Variants in APLF observed in about 807,000 individuals in gnomAD.
The protein encoded by APLF is aprataxin and PNK-like factor.
A neutral mutation model predicts 55.6 loss-of-function variants in APLF; 61 were observed. That is an observed-to-expected ratio of 1.10 (90% CI 0.89 to 1.36). The LOEUF is 1.36. APLF is among the 40% of genes most tolerant of loss of function. The pLI, the probability that APLF is intolerant of heterozygous loss-of-function variation, is 0.00. For missense variants in APLF, 611 were observed against 602.5 expected (o/e 1.01, Z -0.15); for synonymous variants, 207 against 214.8 (o/e 0.96, Z 0.32).
intron 7 of APLF, among the ~76,000 whole-genome samples, chr2:68,539,907 C>CA (rs1248366625): frequency 2.0e-5 from 3 of 149,248 alleles, no homozygotes; most frequent in Non-Finnish European, 3.0e-5. Context: ...TACACTAAGG[C>CA]AAAAAAAAGA....
chr2:68,507,057 G>T (rs372444426), intron 3 of APLF, among the ~76,000 whole-genome samples: 1 of 151,818 alleles, frequency 6.6e-6, no homozygotes, highest in Admixed American at 6.6e-5. Flanking sequence ...ATTGAGGCTG[G>T]GCATGGAGAG....
chr2:68,521,748 T>A (rs931463230), intron 5 of APLF, among the ~76,000 whole-genome samples: 1 of 151,972 alleles, frequency 6.6e-6, no homozygotes, highest in African/African-American at 2.4e-5. Flanking sequence ...AACGTGAAGT[T>A]GTAAAAAGTG....
intron 4 of APLF, 31 bp downstream of exon 4, chr2:68,513,258 A>C: frequency 6.3e-7 from 1 of 1,578,370 alleles, no homozygotes; most frequent in Non-Finnish European, 8.6e-7. Context: ...TCCATTTATA[A>C]CATGTTCTTC....
At chr2:68,514,174 G>A (rs561197180) in intron 5 of APLF, among the ~76,000 whole-genome samples, 40 of 151,668 alleles carry the variant, frequency 2.6e-4, no homozygotes, top group Non-Finnish European at 3.5e-4. Context: ...ATGTTTCTCC[G>A]ATGAGATTCC....
chr2:68,551,351 G>A (rs779331432), intron 8 of APLF, among the ~76,000 whole-genome samples: 1 of 151,882 alleles, frequency 6.6e-6, no homozygotes, highest in Non-Finnish European at 1.5e-5. Flanking sequence ...TCCTATTTGG[G>A]GGTTCACTGA....
chr2:68,547,636 A>C (rs1023866738), intron 8 of APLF, among the ~76,000 whole-genome samples: 1 of 151,834 alleles, frequency 6.6e-6, no homozygotes, highest in Non-Finnish European at 1.5e-5. Flanking sequence ...GGATAAGTAG[A>C]TATTCATCTG....
chr2:68,556,284 T>C (rs537759475), intron 8 of APLF, among the ~76,000 whole-genome samples: 2 of 152,114 alleles, frequency 1.3e-5, no homozygotes, highest in Admixed American at 6.5e-5. Flanking sequence ...CACCAAAATC[T>C]CACAAGTCAC....
intron 2 of APLF, 44 bp from the exon 3 acceptor site, chr2:68,502,682 GTATTA>G (rs768110541): frequency 1.1e-4 from 121 of 1,109,814 alleles, no homozygotes; most frequent in Non-Finnish European, 3.8e-5. Flanking sequence ...CAACATTATT[GTATTA>G]TATTCTTTTT....
chr2:68,494,669 G>T (rs1225825114), intron 2 of APLF, among the ~76,000 whole-genome samples: 2 of 151,994 alleles, frequency 1.3e-5, no homozygotes, highest in African/African-American at 4.8e-5. Context: ...CCACTCTTTA[G>T]TAGGCCCCAT....
At chr2:68,544,385 T>C (rs1159119749) in intron 7 of APLF, among the ~76,000 whole-genome samples, 16 of 152,172 alleles carry the variant, frequency 1.1e-4, no homozygotes. Context: ...CCACAAGTTA[T>C]GTGTTGTTGT....
chr2:68,575,741 T>A (rs1483759012), intron 9 of APLF, among the ~76,000 whole-genome samples: 1 of 151,978 alleles, frequency 6.6e-6, no homozygotes, highest in African/African-American at 2.4e-5. Flanking sequence ...AGTCATATAT[T>A]CAAGACTGAT....
intron 1 of APLF, among the ~76,000 whole-genome samples, chr2:68,485,045 C>CTAA (rs1467991446): frequency 3.3e-5 from 5 of 151,984 alleles, no homozygotes; most frequent in Non-Finnish European, 4.4e-5. Context: ...TGGCAGTTCA[C>CTAA]TAAATATGTC....
intron 9 of APLF, among the ~76,000 whole-genome samples, chr2:68,568,774 A>G (rs1051274476): frequency 1.1e-4 from 17 of 152,158 alleles, no homozygotes; most frequent in Non-Finnish European, 2.4e-4. Context: ...TATTTTTTGA[A>G]TGAAGAACAT....
chr2:68,526,294 T>C (rs1414567990), intron 6 of APLF, 52 bp downstream of exon 6: 1 of 1,551,846 alleles, frequency 6.4e-7, no homozygotes, highest in Non-Finnish European at 8.8e-7. Context: ...GTGTTTTAGA[T>C]AGAAATTAAT....
chr2:68,515,553 T>G, intron 5 of APLF: 1 of 975,352 alleles, frequency 1.0e-6, no homozygotes, highest in South Asian at 4.7e-5. Flanking sequence ...AACATGTATT[T>G]CATTTCAAAT....
chr2:68,518,738 A>C (rs1315086550), intron 5 of APLF, among the ~76,000 whole-genome samples: 1 of 125,936 alleles, frequency 7.9e-6, no homozygotes, highest in Non-Finnish European at 1.6e-5. Context: ...TATATCATGA[A>C]TATATCATTA....
chr2:68,490,098 A>G (rs982330239), intron 1 of APLF, 92 bp from the exon 2 acceptor site: 2 of 777,346 alleles, frequency 2.6e-6, no homozygotes, highest in Admixed American at 3.2e-5. Flanking sequence ...TACTGATTTC[A>G]GAAACATCGC....
intron 7 of APLF, 116 bp from the exon 8 acceptor site, chr2:68,545,071 T>C: frequency 8.4e-7 from 1 of 1,189,414 alleles, no homozygotes; most frequent in Non-Finnish European, 1.2e-6. Flanking sequence ...CAATGTAGCA[T>C]GTTGGTTTAT....
At chr2:68,556,927 A>G (rs1477202273) in intron 8 of APLF, among the ~76,000 whole-genome samples, 2 of 152,038 alleles carry the variant, frequency 1.3e-5, no homozygotes, top group East Asian at 1.9e-4. Context: ...GCACAATTCC[A>G]TTTTCTCAAG....
Sources: gnomAD v4.1 joint callset for allele counts (sites outside exome capture counted in the v4.1 genomes callset) on GRCh38, gnomAD v4.1.1 for gene constraint, MANE v1.5 for transcripts, NCBI Gene and HGNC (gene_info 2026-07-23, HGNC 2026-07-21) for gene names.